The following PXDNL variants were observed in gnomAD, a reference collection of about 807,000 sequenced individuals.
The protein encoded by PXDNL is peroxidasin like, also known as probable oxidoreductase PXDNL.
A neutral mutation model predicts 150.8 loss-of-function variants in PXDNL; 145 were observed. That is an observed-to-expected ratio of 0.96 (90% CI 0.84 to 1.10). The LOEUF is 1.10. Among genes scored for constraint, PXDNL ranks in the 50% least tolerant of loss-of-function variants. The pLI, the probability that PXDNL is intolerant of heterozygous loss-of-function variation, is 0.00. For synonymous variants in PXDNL, 757 were observed against 725.7 expected (o/e 1.04, Z -0.69); for missense variants, 2,087 against 1,873.9 (o/e 1.11, Z -2.10).
intron 5 of PXDNL, among the ~76,000 whole-genome samples, chr8:51,484,435 G>GAAA (rs34843728): frequency 3.6e-5 from 5 of 137,102 alleles, no homozygotes; most frequent in African/African-American, 5.4e-5. Context: ...ACTCTGTCTC[G>GAAA]AAAAAAAAAA....
intron 8 of PXDNL, among the ~76,000 whole-genome samples, chr8:51,469,072 A>G (rs1810266301): frequency 6.6e-6 from 1 of 151,998 alleles, no homozygotes; most frequent in Non-Finnish European, 1.5e-5. Context: ...ATAAAGCTCT[A>G]TTCTTTGCCT....
chr8:51,353,602 G>A (rs779844272), intron 19 of PXDNL, among the ~76,000 whole-genome samples: 2 of 152,064 alleles, frequency 1.3e-5, no homozygotes, highest in African/African-American at 2.4e-5. Flanking sequence ...CTGCTTCTGG[G>A]AATTTTAGTG....
intron 1 of PXDNL, among the ~76,000 whole-genome samples, chr8:51,707,483 G>C (rs1471326689): frequency 3.9e-5 from 6 of 152,112 alleles, no homozygotes. Context: ...TTTTTGTGTG[G>C]TTTCATTTTT....
intron 8 of PXDNL, among the ~76,000 whole-genome samples, chr8:51,458,384 CA>C (rs1809984926): frequency 6.6e-6 from 1 of 151,948 alleles, no homozygotes; most frequent in Non-Finnish European, 1.5e-5. Context: ...GACACAGAAA[CA>C]TATGTTAGAA....
In PXDNL at chr8:51,371,940, T is replaced by C; in HGVS notation, c.3834A>G (p.Pro1278=). ...TCTCGCTGCAGTTCAGGTAATCCTG[T>C]GGGTATTCTGCCTTTACAAAGACAT... ...QADVFVKAEY[P]QDYLNCSEIP... is the part of the protein sequence containing the mutation. Residue 1278 remains proline, a synonymous_variant, in exon 19 of 23, where the codon CCA becomes CCG. Transcript: ENST00000356297. 1 of 1,613,994 alleles carries C rather than the reference T, an allele frequency of 6.2e-7. No homozygotes were observed. Among genetic ancestry groups the C allele is most frequent in the East Asian group, 2.2e-5 (1 of 44,888 alleles).
chr8:51,418,114 A>T (rs1586090583), intron 14 of PXDNL, among the ~76,000 whole-genome samples: 1 of 152,334 alleles, frequency 6.6e-6, no homozygotes, highest in East Asian at 1.9e-4. Context: ...TGTATATTTT[A>T]TGTATAAAAT....
intron 17 of PXDNL, among the ~76,000 whole-genome samples, chr8:51,375,191 AGAT>A (rs892320769): frequency 6.6e-6 from 1 of 150,768 alleles, no homozygotes; most frequent in African/African-American, 2.5e-5. Context: ...TAATTTGCGG[AGAT>A]GATAAGATAA....
At chr8:51,386,035 A>C (rs1221592166) in intron 17 of PXDNL, among the ~76,000 whole-genome samples, 2 of 152,196 alleles carry the variant, frequency 1.3e-5, no homozygotes, top group African/African-American at 4.8e-5. Flanking sequence ...GATAACGAAT[A>C]AAAGAATAGC....
At chr8:51,413,337 T>C in intron 14 of PXDNL, 79 bp from the exon 15 acceptor site, 1 of 795,312 alleles carries the variant, frequency 1.3e-6, no homozygotes, top group Non-Finnish European at 2.1e-6. Flanking sequence ...TGGCATTACA[T>C]TTTTAAATGT....
At chr8:51,794,647 G>C (rs1238327415) in intron 1 of PXDNL, among the ~76,000 whole-genome samples, 1 of 152,132 alleles carries the variant, frequency 6.6e-6, no homozygotes, top group African/African-American at 2.4e-5. Flanking sequence ...CCTTGCAAGA[G>C]CTCCTGAAGG....
intron 20 of PXDNL, among the ~76,000 whole-genome samples, chr8:51,343,776 ACC>A (rs1806062655): frequency 1.3e-5 from 2 of 152,266 alleles, no homozygotes; most frequent in East Asian, 3.9e-4. Flanking sequence ...TGAGTCCGGT[ACC>A]CACTTCTGAT....
chr8:51,647,577 C>T (rs1349172642), intron 2 of PXDNL, among the ~76,000 whole-genome samples: 2 of 152,092 alleles, frequency 1.3e-5, no homozygotes, highest in African/African-American at 4.8e-5. Flanking sequence ...TAAAATTTCC[C>T]CAAATCACAA....
At chr8:51,618,120 C>T (rs978564854) in intron 2 of PXDNL, among the ~76,000 whole-genome samples, 5 of 152,210 alleles carry the variant, frequency 3.3e-5, no homozygotes, top group Admixed American at 6.5e-5. Flanking sequence ...GGCGCTACCT[C>T]GCCACACAAG....
At chr8:51,536,008 A>G (rs1431566136) in intron 4 of PXDNL, among the ~76,000 whole-genome samples, 1 of 152,132 alleles carries the variant, frequency 6.6e-6, no homozygotes, top group Non-Finnish European at 1.5e-5. Context: ...GGATGGAACA[A>G]GTGATTAAGT....
At chr8:51,324,294 C>A (rs1287765999) in intron 21 of PXDNL, among the ~76,000 whole-genome samples, 2 of 152,166 alleles carry the variant, frequency 1.3e-5, no homozygotes, top group African/African-American at 4.8e-5. Flanking sequence ...ATTGCACTGG[C>A]AAGAACTTCC....
At chr8:51,425,401 T>C (rs1451865081) in intron 13 of PXDNL, among the ~76,000 whole-genome samples, 1 of 152,232 alleles carries the variant, frequency 6.6e-6, no homozygotes, top group East Asian at 1.9e-4. Flanking sequence ...AGTCTGCTGA[T>C]GTGATTACAT....
At chr8:51,629,698 G>A (rs570910406) in intron 2 of PXDNL, among the ~76,000 whole-genome samples, 58 of 152,174 alleles carry the variant, frequency 3.8e-4, no homozygotes, top group African/African-American at 1.3e-3. Context: ...ATGTACAAGC[G>A]ACCCACAGTA....
At chr8:51,390,058 C>G (rs1031243087) in intron 17 of PXDNL, among the ~76,000 whole-genome samples, 2 of 151,666 alleles carry the variant, frequency 1.3e-5, no homozygotes, top group African/African-American at 2.4e-5. Flanking sequence ...AAGCCATGCC[C>G]CCCCCACCAA....
chr8:51,643,609 A>T (rs866958607), intron 2 of PXDNL, among the ~76,000 whole-genome samples: 4 of 152,306 alleles, frequency 2.6e-5, no homozygotes, highest in South Asian at 2.1e-4. Flanking sequence ...AACCTAGGCA[A>T]TACCATTCAG....
Sources: gnomAD v4.1 joint callset for allele counts (sites outside exome capture counted in the v4.1 genomes callset) on GRCh38, gnomAD v4.1.1 for gene constraint, MANE v1.5 for transcripts, NCBI Gene and HGNC (gene_info 2026-07-23, HGNC 2026-07-21) for gene names.